The following DAB1 variants were observed in gnomAD, a reference collection of about 807,000 sequenced individuals.
DAB1 encodes the protein DAB adaptor protein 1.
In DAB1, 15 loss-of-function variants were observed where a neutral mutation model predicts 64.6. That is an observed-to-expected ratio of 0.23 (90% CI 0.16 to 0.36). The LOEUF (loss-of-function observed/expected upper bound fraction) is 0.36, where lower values mean the gene tolerates loss of function less well. Among genes scored for constraint, DAB1 ranks in the 10% least tolerant of loss-of-function variants. The pLI is 1.00. For missense variants in DAB1, 596 were observed against 706.7 expected, an observed-to-expected ratio of 0.84 and a Z score of 1.78; for synonymous variants, 235 against 251.9, an observed-to-expected ratio of 0.93 and a Z score of 0.64.
intron 1 of DAB1, among the ~76,000 whole-genome samples, chr1:57,853,243 T>C (rs1653611364): frequency 7.0e-6 from 1 of 143,362 alleles, no homozygotes; most frequent in Non-Finnish European, 1.5e-5. Context: ...TTTGGGGCTA[T>C]CTTTAAAAAA....
chr1:57,221,889 A>ATTTTT (rs34829466), intron 2 of DAB1, among the ~76,000 whole-genome samples: 2 of 144,730 alleles, frequency 1.4e-5, no homozygotes, highest in East Asian at 2.0e-4. Context: ...GTTAAATGTC[A>ATTTTT]TTTTTTTTTT....
intron 5 of DAB1, among the ~76,000 whole-genome samples, chr1:58,053,579 G>A (rs1303536414): frequency 1.3e-5 from 2 of 152,026 alleles, no homozygotes; most frequent in African/African-American, 2.4e-5. Context: ...CCAACACTGG[G>A]TATCAAATTT....
chr1:57,494,059 G>C (rs1335318325), intron 7 of DAB1, among the ~76,000 whole-genome samples: 1 of 151,966 alleles, frequency 6.6e-6, no homozygotes, highest in African/African-American at 2.4e-5. Context: ...TTAAATGTCA[G>C]TATACTCTGT....
At chr1:58,097,778 G>A (rs1240250414) in intron 5 of DAB1, among the ~76,000 whole-genome samples, 1 of 152,168 alleles carries the variant, frequency 6.6e-6, no homozygotes, top group African/African-American at 2.4e-5. Flanking sequence ...CTCAACTGCT[G>A]TGGTGGGAGG....
intron 1 of DAB1, among the ~76,000 whole-genome samples, chr1:57,293,171 A>G (rs1165331160): frequency 1.3e-5 from 2 of 152,112 alleles, no homozygotes; most frequent in African/African-American, 2.4e-5. Context: ...CCATCTTCCC[A>G]GTTTTTCCTT....
rs75547971 is a variant in DAB1 at position 58,372,406 on chromosome 1, T to C, written n.258-29003A>G. 0.013 allele frequency among the ~76,000 whole-genome samples: 1,989 copies of C among 152,268 alleles called. 103 individuals are homozygous for C. In the East Asian group the frequency reaches 0.16, roughly 13 times the overall value. On this transcript the variant is annotated intron_variant and non_coding_transcript_variant, in intron 3 of 20. Coordinates refer to the DAB1 transcript ENST00000485760. Reference sequence around the variant, plus strand: ...ATCCAACGTCTGTACCCCCATTGTATCTTGGGGGTATCTAACTTGCTTTTG... The same window carrying C: ...ATCCAACGTCTGTACCCCCATTGTACCTTGGGGGTATCTAACTTGCTTTTG...
At chr1:58,292,791 T>C (rs1661878695) in intron 4 of DAB1, among the ~76,000 whole-genome samples, 2 of 152,152 alleles carry the variant, frequency 1.3e-5, no homozygotes, top group African/African-American at 2.4e-5. Flanking sequence ...TGTTGAAATA[T>C]TGGAGATCCT....
At chr1:57,945,705 A>G (rs1645175016) in intron 5 of DAB1, among the ~76,000 whole-genome samples, 1 of 152,192 alleles carries the variant, frequency 6.6e-6, no homozygotes, top group South Asian at 2.1e-4. Context: ...TCTTTCCTGA[A>G]GAAGGCATAT....
At chr1:57,033,542 C>A (rs768740738) in intron 9 of DAB1, 1 of 1,612,782 alleles carries the variant, frequency 6.2e-7, no homozygotes, top group Non-Finnish European at 8.5e-7. Flanking sequence ...TGCAGCAAAC[C>A]GTTCTTCAAA....
At chr1:58,488,533 C>A (rs895682810) in intron 3 of DAB1, among the ~76,000 whole-genome samples, 2 of 152,158 alleles carry the variant, frequency 1.3e-5, no homozygotes, top group South Asian at 2.1e-4. Context: ...ATCACTGCAA[C>A]CTCTGCCTCC....
intron 5 of DAB1, among the ~76,000 whole-genome samples, chr1:58,046,157 AG>A (rs1310575579): frequency 3.9e-5 from 6 of 152,206 alleles, no homozygotes; most frequent in African/African-American, 1.2e-4. Context: ...TAGATACCAG[AG>A]ACAGAATAAG....
intron 6 of DAB1, among the ~76,000 whole-genome samples, chr1:57,710,651 G>T (rs921360390): frequency 4.1e-5 from 6 of 147,768 alleles, no homozygotes; most frequent in South Asian, 2.1e-4. Flanking sequence ...GTTTTTTTTG[G>T]GGGGGGGAGG....
chr1:57,135,722 A>G (rs1320997757), intron 4 of DAB1, among the ~76,000 whole-genome samples: 1 of 152,232 alleles, frequency 6.6e-6, no homozygotes, highest in Non-Finnish European at 1.5e-5. Context: ...TAATAATGCA[A>G]AATGACCAAG....
intron 2 of DAB1, among the ~76,000 whole-genome samples, chr1:57,194,682 A>G (rs1664471530): frequency 6.6e-6 from 1 of 152,164 alleles, no homozygotes; most frequent in African/African-American, 2.4e-5. Context: ...ACAAATTAAA[A>G]TTCTCCTACC....
intron 3 of DAB1, among the ~76,000 whole-genome samples, chr1:58,384,503 G>A (rs530088882): frequency 2.0e-5 from 3 of 152,292 alleles, no homozygotes; most frequent in South Asian, 4.1e-4. Context: ...TTAAGAGGGT[G>A]TATGATGAGT....
At chr1:57,613,924 T>C (rs1215423437) in intron 7 of DAB1, among the ~76,000 whole-genome samples, 1 of 152,170 alleles carries the variant, frequency 6.6e-6, no homozygotes, top group African/African-American at 2.4e-5. Flanking sequence ...AAGGGGATAA[T>C]AGTGTTTCAT....
chr1:57,507,282 T>C (rs1194257374), intron 7 of DAB1, among the ~76,000 whole-genome samples: 1 of 152,222 alleles, frequency 6.6e-6, no homozygotes, highest in East Asian at 1.9e-4. Context: ...ATTATGGAGC[T>C]CTGCTCAAGA....
intron 5 of DAB1, among the ~76,000 whole-genome samples, chr1:58,039,830 G>A (rs775457639): frequency 2.6e-4 from 40 of 152,084 alleles, no homozygotes; most frequent in Admixed American, 1.6e-3. Context: ...ATAATTTATT[G>A]TCGAGGTTGA....
chr1:57,030,142 T>G (rs1646922780), intron 9 of DAB1, among the ~76,000 whole-genome samples: 1 of 152,172 alleles, frequency 6.6e-6, no homozygotes, highest in African/African-American at 2.4e-5. Context: ...TGTATTCTCA[T>G]GATAGTGAAT....
Sources: allele counts gnomAD v4.1 joint callset (sites outside exome capture counted in the v4.1 genomes callset), GRCh38; gene constraint gnomAD v4.1.1; transcripts MANE v1.5; gene names NCBI Gene and HGNC (gene_info 2026-07-23, HGNC 2026-07-21).